Variants in CEP43 observed in about 807,000 individuals in gnomAD.
CEP43 encodes FGFR1 oncogene partner.
CEP43 carries 36 observed loss-of-function variants against 52.6 expected under a neutral mutation model. That is an observed-to-expected ratio of 0.68 (90% CI 0.52 to 0.90). CEP43 has a LOEUF of 0.90. Among genes scored for constraint, CEP43 ranks in the 40% least tolerant of loss-of-function variants. The probability of loss-of-function intolerance (pLI) is 0.00; values close to 1 mark genes in which losing one functional copy is unlikely to be tolerated. For missense variants in CEP43, 506 were observed against 472.8 expected (o/e 1.07, Z -0.65); for synonymous variants, 192 against 172.4 (o/e 1.11, Z -0.89).
chr6:167,052,320 A>C lies in CEP43; in HGVS notation c.*12342A>C, dbSNP rs750729066. The C allele has an allele frequency of 1.3e-5, 2 of 152,170 alleles. No individual in the cohort carries two copies. Among genetic ancestry groups the C allele is most frequent in the Non-Finnish European group, 2.9e-5 (2 of 68,028 alleles). 9.4% of individuals were successfully genotyped at this position (152,170 alleles called of 1,614,324 possible). On this transcript the variant is annotated 3_prime_UTR_variant, in exon 13 of 13. Transcript: ENST00000366847. The stretch of plus-strand genomic sequence containing the variant: ...TATATAATTTTATGTTTTTTAAAGA[A>C]CCTGAGACTGGAAGTGAGGGAAATA...
At chr6:167,025,885 A>G (rs2128665234) in intron 9 of CEP43, among the ~76,000 whole-genome samples, 1 of 152,388 alleles carries the variant, frequency 6.6e-6, no homozygotes, top group South Asian at 2.1e-4. Context: ...TCACTTTAGT[A>G]AGTGAAATAG....
At chr6:167,022,005 G>A (rs112853900) in intron 7 of CEP43, among the ~76,000 whole-genome samples, 52 of 152,206 alleles carry the variant, frequency 3.4e-4, no homozygotes, top group African/African-American at 1.2e-3. Flanking sequence ...AGTTGAAAAT[G>A]TATTAATTTA....
intron 7 of CEP43, among the ~76,000 whole-genome samples, chr6:167,016,051 A>G (rs373693409): frequency 1.3e-5 from 2 of 151,998 alleles, no homozygotes. Flanking sequence ...GTTGTACCAA[A>G]CATCCTAATT....
intron 7 of CEP43, among the ~76,000 whole-genome samples, chr6:167,019,267 GCTGTGCACACACA>G: frequency 2.0e-5 from 3 of 146,468 alleles, no homozygotes; most frequent in African/African-American, 7.7e-5. Flanking sequence ...GCATACACCT[GCTGTGCACACACA>G]TACACCTGCT....
intron 10 of CEP43, among the ~76,000 whole-genome samples, chr6:167,030,338 C>A (rs1184762713): frequency 6.6e-6 from 1 of 152,172 alleles, no homozygotes; most frequent in Non-Finnish European, 1.5e-5. Flanking sequence ...TAGTAGCTGC[C>A]ACTCCTGGTT....
At chr6:167,008,138 A>G (rs748869339) in intron 5 of CEP43, among the ~76,000 whole-genome samples, 4 of 145,758 alleles carry the variant, frequency 2.7e-5, no homozygotes, top group Non-Finnish European at 4.5e-5. Context: ...TTTTTTTTTT[A>G]ATGTGGAACC....
At chr6:167,009,727 T>G (rs943653820) in intron 5 of CEP43, among the ~76,000 whole-genome samples, 20 of 150,562 alleles carry the variant, frequency 1.3e-4, no homozygotes, top group African/African-American at 4.9e-4. Flanking sequence ...TCCCAGCTAC[T>G]TGAGAGGCTG....
At chr6:167,016,679 C>T (rs1780107404) in intron 7 of CEP43, among the ~76,000 whole-genome samples, 2 of 152,156 alleles carry the variant, frequency 1.3e-5, no homozygotes, top group African/African-American at 4.8e-5. Flanking sequence ...CCAAACCAGG[C>T]GTTACCATTC....
Position 167,048,435 on chromosome 6 carries a change from CAGGAGGATTGCAGGAGGTTTGCTTGAG to C in CEP43, c.*8458_*8484del, listed in dbSNP as rs1780830259. 2 of 152,214 alleles carry C rather than the reference CAGGAGGATTGCAGGAGGTTTGCTTGAG, an allele frequency of 1.3e-5. No homozygotes were observed. Among genetic ancestry groups the C allele is most frequent in the African/African-American group, 4.8e-5 (2 of 41,432 alleles). The allele number at this position is 152,214 out of a possible 1,614,324, so 9.4% of individuals were successfully genotyped here. On this transcript the variant is annotated 3_prime_UTR_variant, in exon 13 of 13. Coordinates refer to ENST00000366847, the MANE Select transcript of CEP43 (RefSeq NM_007045.4). ...GTCCCAGCTACTCGGGAGGCTGAGG[CAGGAGGATTGCAGGAGGTTTGCTTGAG>C]CCGGGGAGGTCGAGTCTGCAGTGAA...
Position 167,047,079 on chromosome 6 carries a change from G to T in CEP43, c.*7101G>T, listed in dbSNP as rs1002323586. The T allele has an allele frequency of 1.3e-5, 2 of 152,342 alleles. No homozygotes were observed. Among genetic ancestry groups the T allele is most frequent in the African/African-American group, 4.8e-5 (2 of 41,454 alleles). 9.4% of individuals were successfully genotyped at this position (152,342 alleles called of 1,614,324 possible). A position where few individuals can be genotyped will look rare whatever the true frequency, so the allele number is the denominator to read the frequency against. On this transcript the variant is annotated 3_prime_UTR_variant, in exon 13 of 13. Transcript: ENST00000366847. Reference sequence around the variant, plus strand: ...CACGTGGAAACCTGGCTGGGAGAATGCCTGTGTGCTCTGCATGGGGATGTA... The same window carrying T: ...CACGTGGAAACCTGGCTGGGAGAATTCCTGTGTGCTCTGCATGGGGATGTA...
intron 5 of CEP43, among the ~76,000 whole-genome samples, chr6:167,008,416 G>A (rs149768962): frequency 6.6e-6 from 1 of 152,032 alleles, no homozygotes; most frequent in Non-Finnish European, 1.5e-5. Flanking sequence ...ATTTACTGAG[G>A]ACAAGGGCTT....
chr6:167,030,248 C>T (rs1048397726), intron 10 of CEP43, among the ~76,000 whole-genome samples: 1 of 152,246 alleles, frequency 6.6e-6, no homozygotes, highest in Non-Finnish European at 1.5e-5. Flanking sequence ...CTCGCTGTCT[C>T]AGCTCAGTGT....
chr6:167,022,841 G>A (rs1330895149), intron 8 of CEP43, among the ~76,000 whole-genome samples: 1 of 152,054 alleles, frequency 6.6e-6, no homozygotes, highest in Non-Finnish European at 1.5e-5. Flanking sequence ...ACAAGTAAGT[G>A]TAGATTGAGT....
intron 3 of CEP43, 45 bp downstream of exon 3, chr6:167,003,292 G>T: frequency 9.3e-7 from 1 of 1,080,872 alleles, no homozygotes; most frequent in South Asian, 1.6e-5. Flanking sequence ...CTGAATTTTT[G>T]AATCTTGATA....
intron 6 of CEP43, 146 bp downstream of exon 6, chr6:167,011,039 A>G (rs949396649): frequency 2.3e-6 from 1 of 431,262 alleles, no homozygotes; most frequent in Non-Finnish European, 4.2e-6. Flanking sequence ...CTTTTTTTCC[A>G]TTAAGTATAC....
intron 11 of CEP43, among the ~76,000 whole-genome samples, 154 bp downstream of exon 11, chr6:167,032,796 A>G (rs1442980332): frequency 6.6e-6 from 1 of 152,242 alleles, no homozygotes; most frequent in East Asian, 1.9e-4. Context: ...TAGTTAATCC[A>G]AAATTAAATA....
At chr6:167,029,982 A>G (rs1002168689) in intron 10 of CEP43, among the ~76,000 whole-genome samples, 2 of 152,248 alleles carry the variant, frequency 1.3e-5, no homozygotes, top group African/African-American at 4.8e-5. Context: ...GAGATTACAA[A>G]GTACATTGAT....
chr6:167,001,216 C>T (rs1779728601), intron 2 of CEP43, among the ~76,000 whole-genome samples: 1 of 152,236 alleles, frequency 6.6e-6, no homozygotes, highest in Non-Finnish European at 1.5e-5. Context: ...TCTTTCCTTA[C>T]TGCTTTAGAA....
At chr6:167,024,261 G>A (rs1780303195) in intron 8 of CEP43, among the ~76,000 whole-genome samples, 1 of 152,166 alleles carries the variant, frequency 6.6e-6, no homozygotes, top group South Asian at 2.1e-4. Context: ...GGAGAGTGGA[G>A]AAAGCATGAA....
Sources: gnomAD v4.1 joint callset for allele counts (sites outside exome capture counted in the v4.1 genomes callset) on GRCh38, gnomAD v4.1.1 for gene constraint, MANE v1.5 for transcripts, NCBI Gene and HGNC (gene_info 2026-07-23, HGNC 2026-07-21) for gene names.